The following CBX8 variants were observed in gnomAD, a reference collection of about 807,000 sequenced individuals.
CBX8 encodes the protein chromobox protein homolog 8.
In CBX8, 8 loss-of-function variants were observed where a neutral mutation model predicts 39.7. That is an observed-to-expected ratio of 0.20 (90% CI 0.12 to 0.36). The LOEUF (loss-of-function observed/expected upper bound fraction) is 0.36. CBX8 is among the 10% of genes least tolerant of loss of function. CBX8 has a pLI of 1.00. For synonymous variants in CBX8, 268 were observed against 219.8 expected (o/e 1.22, Z -1.94); for missense variants, 505 against 529.6 (o/e 0.95, Z 0.46).
rs1211815137 is a variant in CBX8, at chr17:79,793,909, C to G, written c.*726G>C. On this transcript the variant is annotated 3_prime_UTR_variant, in exon 5 of 5. Transcript: ENST00000269385. ...TGCGTGTACCACACACACACCCCTC[C>G]CTAAAGTGCATTTCCTGGTGTGGTC... 6.6e-6 allele frequency: 1 copy of G among 152,098 alleles called. No individual in the cohort carries two copies. The highest frequency in any genetic ancestry group is 2.4e-5 in the African/African-American group (1 of 41,390). 9.4% of individuals were successfully genotyped at this position (152,098 alleles called of 1,614,324 possible).
chr17:79,796,382 T>C, intron 2 of CBX8, 67 bp from the exon 3 acceptor site: 1 of 1,592,876 alleles, frequency 6.3e-7, no homozygotes, highest in Non-Finnish European at 8.6e-7. Context: ...GGGGTGTGTG[T>C]GTGTGTAACT....
At position 79,795,619 on chromosome 17, in the gene CBX8, C is replaced by T. The variant is rs1908056793; in HGVS notation, c.247-61G>A. The T allele has an allele frequency of 7.6e-7, 1 of 1,320,266 alleles. No individual in the cohort carries two copies. The highest frequency in any genetic ancestry group is 1.5e-5 in the African/African-American group (1 of 66,192). 81.8% of individuals were successfully genotyped at this position (1,320,266 alleles called of 1,614,324 possible). A position where few individuals can be genotyped will look rare whatever the true frequency, so the allele number is the denominator to read the frequency against. On this transcript the variant is annotated intron_variant, in intron 4 of 4. Transcript: ENST00000269385. This position sits in a 1 kb window ranked among gnomAD's most constrained non-coding sequence, Gnocchi z 5.8. ...GGCCCTGTCCACCCCCACAGGACTCCTCCTCTATCCCTGACCTCCTATCTT... is the reference window on the plus strand; with the variant it reads ...GGCCCTGTCCACCCCCACAGGACTCTTCCTCTATCCCTGACCTCCTATCTT...
chr17:79,795,182 G>C lies in CBX8; in HGVS notation c.623C>G (p.Pro208Arg). The C allele has an allele frequency of 1.2e-6, 2 of 1,613,424 alleles. No homozygotes were observed. The highest frequency in any genetic ancestry group is 1.7e-6 in the Non-Finnish European group (2 of 1,179,828). Residue 208 changes from proline to arginine, a missense_variant, in exon 5 of 5, where the codon CCG (proline) becomes CGG (arginine). Pro to Arg is a moderately radical substitution (Grantham distance 103). Coordinates refer to ENST00000269385, the MANE Select transcript of CBX8 (RefSeq NM_020649.3). This position sits in a 1 kb window ranked among gnomAD's most constrained non-coding sequence, Gnocchi z 5.8. The stretch of plus-strand genomic sequence containing the variant: ...GCCTAAGGGCCTCTGTGAGGGGTCC[G>C]GGAGCTCCTTCCGGGGCTTGGGGCC... ...KRGPKPRKEL[P>R]DPSQRPLGEP...
At chr17:79,796,219 G>A (rs781223446) in intron 3 of CBX8, 31 bp downstream of exon 3, 2 of 1,613,928 alleles carry the variant, frequency 1.2e-6, no homozygotes, top group South Asian at 1.1e-5. Flanking sequence ...TTGTTTCTAA[G>A]TGAGCGGCTG....
In CBX8 at chr17:79,794,405, T is replaced by C; in HGVS notation, c.*230A>G. 1 of 301,178 alleles carries C rather than the reference T, an allele frequency of 3.3e-6. No individual in the cohort carries two copies. Among genetic ancestry groups the C allele is most frequent in the South Asian group, 1.2e-4 (1 of 8,418 alleles). The allele number at this position is 301,178 out of a possible 1,614,324, so 18.7% of individuals were successfully genotyped here. On this transcript the variant is annotated 3_prime_UTR_variant, in exon 5 of 5. Coordinates refer to ENST00000269385, the MANE Select transcript of CBX8 (RefSeq NM_020649.3). Reference sequence around the variant, plus strand: ...GAGTTGAAATATATATATTTAGATATTTTTCTTAAATAACATATTTACATC... The same window carrying C: ...GAGTTGAAATATATATATTTAGATACTTTTCTTAAATAACATATTTACATC...
rs748075973 is a variant in CBX8, at chr17:79,795,326, C to G, written c.479G>C (p.Arg160Pro). The G allele has an allele frequency of 3.8e-6, 6 of 1,581,780 alleles. No individual in the cohort carries two copies. The South Asian group carries it at 6.9e-5, about 18-fold the overall frequency. Residue 160 changes from arginine (R) to proline (P), a missense_variant, in exon 5 of 5, where the codon CGG becomes CCG. This residue lies in a region of CBX8 where 456 missense variants were observed against 389.2 expected (regional missense o/e 1.17). Transcript: ENST00000269385. The surrounding 1 kb of genome is among the most constrained non-coding windows in gnomAD (Gnocchi z 5.8). ...RDRDRDRDRE[R>P]DRERERERER... ...TCGCTCCCTCTCCCTTTCTCGATCC[C>G]GCTCCCGGTCCCTATCCCGGTCTCG...
In CBX8 at chr17:79,796,374, G is replaced by T. The variant is rs562917655; in HGVS notation, c.114-59C>A. The T allele has an allele frequency of 1.9e-4, 301 of 1,565,340 alleles. 4 individuals carry two copies. The East Asian group carries it at 6.0e-3, about 31-fold the overall frequency. Reference sequence around the variant, plus strand: ...CCAGGAGCAGGGTGAGAGCAGAGGGGGTGTGTGTGTGTGTAACTTTTCTCA... The same window carrying T: ...CCAGGAGCAGGGTGAGAGCAGAGGGTGTGTGTGTGTGTGTAACTTTTCTCA... On this transcript the variant is annotated intron_variant, in intron 2 of 4. Coordinates refer to ENST00000269385, the MANE Select transcript of CBX8 (RefSeq NM_020649.3).
rs1208791655 is a variant in CBX8 at position 79,794,740 on chromosome 17, CAGGG to C, written c.1061_1064del (p.Ser354Ter). 1 of 1,613,486 alleles carries C rather than the reference CAGGG, an allele frequency of 6.2e-7. No homozygotes were observed. The highest frequency in any genetic ancestry group is 1.7e-5 in the Admixed American group (1 of 59,930). ...TGACCACCACCTTCTCCAGGTTAGT[CAGGG>C]AGGGGCTCCAGGACTCTTCCTCCGG... On this transcript the variant is annotated frameshift_variant, in exon 5 of 5. Transcript: ENST00000269385. LOFTEE classifies it high-confidence loss of function.
chr17:79,794,831 C>T lies in CBX8; in HGVS notation c.974G>A (p.Gly325Glu), dbSNP rs1437674173. Residue 325 changes from glycine to glutamate, a missense_variant, in exon 5 of 5, where the codon GGG becomes GAG. By Grantham distance (98) the Gly-to-Glu change is moderately conservative. Around this residue, in one of 3 missense-constraint regions of CBX8, gnomAD observed 456 missense variants for 389.2 expected, o/e 1.17. Coordinates refer to ENST00000269385, the MANE Select transcript of CBX8 (RefSeq NM_020649.3). ...GAGGGAGGGCCTTCCCCCCTGGGCCCCCATGTCCCGGTACAGGCCCCCCCC... is the reference window on the plus strand; with the variant it reads ...GAGGGAGGGCCTTCCCCCCTGGGCCTCCATGTCCCGGTACAGGCCCCCCCC... ...SSGGGLYRDM[G>E]AQGGRPSLIA... 6.2e-7 allele frequency: 1 copy of T among 1,609,710 alleles called. No homozygotes were observed. Among genetic ancestry groups the T allele is most frequent in the African/African-American group, 1.3e-5 (1 of 74,748 alleles).
At position 79,796,770 on chromosome 17, in the gene CBX8, G is replaced by A. The variant is rs554398453; in HGVS notation, c.69+160C>T. 5.0e-5 allele frequency among the ~76,000 whole-genome samples: 7 copies of A among 140,950 alleles called. No homozygotes were observed. The East Asian group carries it at 1.1e-3, about 21-fold the overall frequency. 92.5% of individuals were successfully genotyped at this position (140,950 alleles called of 152,430 possible). ...ATCCGTGCATCGCTGCAAGTCTAAG[G>A]AAAGCGCCTGGGCTCAGAGCTGCCG... On this transcript the variant is annotated intron_variant, in intron 1 of 4. Transcript: ENST00000269385.
rs1179704437 is a variant in CBX8 at position 79,796,332 on chromosome 17, A to G, written c.114-17T>C. ...GTGCTGTACCTAAAGGGAATCAGGA[A>G]GAAGTGGGCATCAGTCCCAGGAGCA... On this transcript the variant is annotated splice_polypyrimidine_tract_variant and intron_variant, in intron 2 of 4. Transcript: ENST00000269385. 6.2e-7 allele frequency: 1 copy of G among 1,613,944 alleles called. No individual in the cohort carries two copies. Among genetic ancestry groups the G allele is most frequent in the Non-Finnish European group, 8.5e-7 (1 of 1,179,796 alleles).
rs1441442257 is a variant in CBX8 at position 79,795,184 on chromosome 17, G to C, written c.621C>G (p.Leu207=). The C allele has an allele frequency of 1.2e-6, 2 of 1,613,552 alleles. No homozygotes were observed. The highest frequency in any genetic ancestry group is 8.5e-7 in the Non-Finnish European group (1 of 1,179,882). The part of the protein sequence containing the change: ...KKRGPKPRKE[L]PDPSQRPLGE... ...CTAAGGGCCTCTGTGAGGGGTCCGG[G>C]AGCTCCTTCCGGGGCTTGGGGCCTC... Residue 207 remains leucine (L), a synonymous_variant, in exon 5 of 5, where the codon CTC becomes CTG. Transcript: ENST00000269385. This position sits in a 1 kb window ranked among gnomAD's most constrained non-coding sequence, Gnocchi z 5.8.
rs577757362 is a variant in CBX8, at chr17:79,795,567, G to A, written c.247-9C>T. 1.0e-5 allele frequency: 15 copies of A among 1,506,626 alleles called. No homozygotes were observed. The highest frequency in any genetic ancestry group is 1.4e-5 in the African/African-American group (1 of 71,544). The allele number at this position is 1,506,626 out of a possible 1,614,324, so 93.3% of individuals were successfully genotyped here. A position where few individuals can be genotyped will look rare whatever the true frequency, so the allele number is the denominator to read the frequency against. On this transcript the variant is annotated splice_polypyrimidine_tract_variant and intron_variant, in intron 4 of 4. Coordinates refer to ENST00000269385, the MANE Select transcript of CBX8 (RefSeq NM_020649.3). The surrounding 1 kb of genome is among the most constrained non-coding windows in gnomAD (Gnocchi z 5.8). ...TTTGCCTTGGCCTGCGCCTGCAGGA[G>A]AGAAGATGGTCTCAAGAGTGGGGCA... is the stretch of plus-strand genomic sequence containing the variant.
chr17:79,796,207 A>T (rs1221181498), intron 3 of CBX8, 43 bp downstream of exon 3: 8 of 1,612,844 alleles, frequency 5.0e-6, no homozygotes, highest in Non-Finnish European at 6.8e-6. Context: ...AAGCCACTCT[A>T]CTTGTTTCTA....
intron 2 of CBX8, 72 bp from the exon 3 acceptor site, chr17:79,796,387 G>T (rs1908092936): frequency 2.5e-6 from 4 of 1,582,096 alleles, no homozygotes; most frequent in Admixed American, 1.7e-5. Context: ...GTGTGTGTGT[G>T]TAACTTTTCT....
rs142520694 is a variant in CBX8 at position 79,795,285 on chromosome 17, G to A, written c.520C>T (p.Arg174Cys). ...GTACCCCGCTCTCGTTCCCTCTCAC[G>A]TTCCCGCTCCCTCTCTCGCTCCCTC... ...RERERERERE[R>C]ERERERGTSR... The change falls in exon 5 of 5, where the codon CGT becomes TGT. Residue 174 changes from arginine to cysteine, a missense_variant. Around this residue, in one of 3 missense-constraint regions of CBX8, gnomAD observed 456 missense variants for 389.2 expected, o/e 1.17. Coordinates refer to ENST00000269385, the MANE Select transcript of CBX8 (RefSeq NM_020649.3). This position sits in a 1 kb window ranked among gnomAD's most constrained non-coding sequence, Gnocchi z 5.8. 44 of 1,600,106 alleles carry A rather than the reference G, an allele frequency of 2.7e-5. No individual in the cohort carries two copies. The highest frequency in any genetic ancestry group is 9.3e-5 in the African/African-American group (7 of 74,946).
At chr17:79,796,595 T>C (rs1838358462) in intron 1 of CBX8, 55 bp from the exon 2 acceptor site, 6 of 1,597,342 alleles carry the variant, frequency 3.8e-6, no homozygotes, top group Non-Finnish European at 3.4e-6. Context: ...ATGACGAGGA[T>C]ACAAGAAATG....
Position 79,794,855 on chromosome 17 carries a change from C to G in CBX8, c.950G>C (p.Gly317Ala), listed in dbSNP as rs4889891. 1 of 1,608,550 alleles carries G rather than the reference C, an allele frequency of 6.2e-7. No homozygotes were observed. The change falls in exon 5 of 5, where the codon GGG becomes GCG. Residue 317 changes from glycine (G) to alanine (A), a missense_variant. Gly to Ala is a moderately conservative substitution (Grantham distance 60). Transcript: ENST00000269385. ...CCCCATGTCCCGGTACAGGCCCCCC[C>G]CAGAGCTGGGGGGGCCTGAGCCATG... Reference protein sequence around the residue: ...VRHGSGPPSSGGGLYRDMGAQ... With the variant: ...VRHGSGPPSSAGGLYRDMGAQ...
Position 79,793,510 on chromosome 17 carries a change from C to T in CBX8, c.*1125G>A, listed in dbSNP as rs1907952896. The T allele has an allele frequency of 6.6e-6, 1 of 152,602 alleles. No homozygotes were observed. The allele number at this position is 152,602 out of a possible 1,614,324, so 9.5% of individuals were successfully genotyped here. A position where few individuals can be genotyped will look rare whatever the true frequency, so the allele number is the denominator to read the frequency against. On this transcript the variant is annotated 3_prime_UTR_variant, in exon 5 of 5. Coordinates refer to ENST00000269385, the MANE Select transcript of CBX8 (RefSeq NM_020649.3). ...CGTGGAGAGGCCCTGGGTGCGAAGC[C>T]ACTGCTCCTAGCAGCGCCCGCCGCC...
Sources: gnomAD v4.1 joint callset for allele counts (sites outside exome capture counted in the v4.1 genomes callset) on GRCh38, gnomAD v4.1.1 for gene constraint, gnomAD v4.1.1 regional missense constraint, Gnocchi (gnomAD v3.1) non-coding constraint, MANE v1.5 for transcripts, NCBI Gene and HGNC (gene_info 2026-07-23, HGNC 2026-07-21) for gene names.